IQCM: variants seen among roughly 807,000 people sequenced by gnomAD.
IQCM encodes the protein IQ domain-containing protein M.
In IQCM, 45 loss-of-function variants were observed where a neutral mutation model predicts 57.6. That is an observed-to-expected ratio of 0.78 (90% confidence interval 0.62 to 1.00). The LOEUF (loss-of-function observed/expected upper bound fraction) is 1.00. Among genes scored for constraint, IQCM ranks in the 50% least tolerant of loss-of-function variants. The probability of loss-of-function intolerance (pLI) is 0.00; values close to 1 mark genes in which losing one functional copy is unlikely to be tolerated. For missense variants in IQCM, 468 were observed against 511.6 expected (o/e 0.91, Z 0.82); for synonymous variants, 148 against 158.9 (o/e 0.93, Z 0.51).
At chr4:149,720,841 A>C (rs1399950164) in intron 5 of IQCM, among the ~76,000 whole-genome samples, 1 of 152,198 alleles carries the variant, frequency 6.6e-6, no homozygotes, top group African/African-American at 2.4e-5. Flanking sequence ...GTTTTTATGC[A>C]TGGAGAGATA....
intron 13 of IQCM, among the ~76,000 whole-genome samples, chr4:149,414,862 A>G (rs1733632979): frequency 6.6e-6 from 1 of 152,092 alleles, no homozygotes; most frequent in African/African-American, 2.4e-5. Flanking sequence ...TTATAGGACG[A>G]TAAGTCACAG....
chr4:149,510,037 C>A (rs1744238783), intron 12 of IQCM, among the ~76,000 whole-genome samples: 1 of 152,090 alleles, frequency 6.6e-6, no homozygotes, highest in Non-Finnish European at 1.5e-5. Context: ...AAAATGTATG[C>A]ATATTATATT....
At chr4:149,374,182 T>C (rs1248182736) in intron 13 of IQCM, among the ~76,000 whole-genome samples, 2 of 152,158 alleles carry the variant, frequency 1.3e-5, no homozygotes, top group South Asian at 2.1e-4. Context: ...GTCATCTCTT[T>C]AGTGTTCTGA....
chr4:149,445,946 G>C (rs1736458897), intron 12 of IQCM, among the ~76,000 whole-genome samples: 1 of 151,666 alleles, frequency 6.6e-6, no homozygotes, highest in African/African-American at 2.4e-5. Flanking sequence ...TTACTCCCAA[G>C]AGGTTTAGAT....
intron 13 of IQCM, among the ~76,000 whole-genome samples, chr4:149,425,660 C>T (rs963265724): frequency 6.6e-6 from 1 of 151,924 alleles, no homozygotes; most frequent in African/African-American, 2.4e-5. Context: ...CTTTATCTAG[C>T]CTACTGATTT....
At chr4:149,603,848 TC>T (rs1208535854) in intron 8 of IQCM, among the ~76,000 whole-genome samples, 2 of 152,106 alleles carry the variant, frequency 1.3e-5, no homozygotes, top group African/African-American at 4.8e-5. Context: ...CCCTTTTTCC[TC>T]TTCTTAATAT....
At chr4:149,638,668 CAT>C (rs1272429558) in intron 7 of IQCM, among the ~76,000 whole-genome samples, 1 of 152,134 alleles carries the variant, frequency 6.6e-6, no homozygotes, top group Non-Finnish European at 1.5e-5. Flanking sequence ...TGTAGGATTT[CAT>C]ATATCAGCTA....
intron 13 of IQCM, among the ~76,000 whole-genome samples, chr4:149,366,871 A>C (rs1269895488): frequency 6.6e-6 from 1 of 152,050 alleles, no homozygotes; most frequent in Non-Finnish European, 1.5e-5. Flanking sequence ...CTGGGGAAAA[A>C]TACAGAAAGT....
intron 13 of IQCM, among the ~76,000 whole-genome samples, chr4:149,379,704 T>G (rs1462314433): frequency 6.6e-6 from 1 of 152,210 alleles, no homozygotes; most frequent in African/African-American, 2.4e-5. Flanking sequence ...GATAAGACTT[T>G]GGACTGTGGA....
In IQCM at chr4:149,619,426, C is replaced by A. The variant is rs566521557; in HGVS notation, c.681+1703G>T. Among the ~76,000 whole-genome samples, 73 of 152,068 alleles carry A rather than the reference C, an allele frequency of 4.8e-4. 1 individual carries two copies. The South Asian group carries it at 0.015, about 32-fold the overall frequency. On this transcript the variant is annotated intron_variant, in intron 8 of 13. Transcript: ENST00000636793. ...TACACTGGAAGCCCAGACTTCAGCA[C>A]AATGTAACTATCCATGTAAAACAAC...
At chr4:149,481,702 T>TTTTTTTTTTTTTTTTTTTTG (rs1740854216) in intron 12 of IQCM, among the ~76,000 whole-genome samples, 1 of 123,656 alleles carries the variant, frequency 8.1e-6, no homozygotes, top group East Asian at 2.2e-4. Context: ...TCCAGTTTTG[T>TTTTTTTTTTTTTTTTTTTTG]TTTTTTTTTT....
intron 5 of IQCM, among the ~76,000 whole-genome samples, chr4:149,723,741 T>C (rs1172277250): frequency 7.2e-5 from 11 of 151,934 alleles, no homozygotes; most frequent in Non-Finnish European, 1.5e-4. Context: ...TATCAGTCTG[T>C]AGTTTTGTTG....
Position 149,457,598 on chromosome 4 carries a change from GA to G in IQCM, c.1229-24042del, listed in dbSNP as rs552912893. ...TTGTTTTGCTACTAGCCTAAGAAAA[GA>G]AAAAAAAAGACTTATCAGAGGTTGG... On this transcript the variant is annotated intron_variant, in intron 12 of 13. Coordinates refer to ENST00000636793, the MANE Select transcript of IQCM (RefSeq NM_001363507.2). Among the ~76,000 whole-genome samples the G allele has an allele frequency of 8.1e-5, 12 of 148,816 alleles. No individual in the cohort carries two copies. The East Asian group carries it at 1.2e-3, about 15-fold the overall frequency.
intron 12 of IQCM, among the ~76,000 whole-genome samples, chr4:149,522,418 G>T (rs1451405813): frequency 6.6e-6 from 1 of 152,184 alleles, no homozygotes; most frequent in Non-Finnish European, 1.5e-5. Flanking sequence ...GAATAGAAGA[G>T]ATGGAGACAG....
intron 7 of IQCM, among the ~76,000 whole-genome samples, chr4:149,634,354 G>A (rs139809881): frequency 7.2e-5 from 11 of 152,138 alleles, no homozygotes; most frequent in South Asian, 2.1e-4. Flanking sequence ...AATGACCATG[G>A]AGAATGAGAA....
chr4:149,622,802 T>C (rs141342065), intron 7 of IQCM, among the ~76,000 whole-genome samples: 1 of 152,322 alleles, frequency 6.6e-6, no homozygotes, highest in Non-Finnish European at 1.5e-5. Flanking sequence ...CCCCAGCTCA[T>C]GGGCATTATT....
chr4:149,577,369 T>C (rs978609177), intron 9 of IQCM, among the ~76,000 whole-genome samples: 2 of 151,892 alleles, frequency 1.3e-5, no homozygotes, highest in Non-Finnish European at 2.9e-5. Flanking sequence ...TTTTAGGTTT[T>C]ACATTTAAGT....
intron 12 of IQCM, among the ~76,000 whole-genome samples, chr4:149,535,362 A>G (rs1316061316): frequency 6.6e-6 from 1 of 152,026 alleles, no homozygotes; most frequent in African/African-American, 2.4e-5. Context: ...TGTATCAGAG[A>G]CTTGTATGGC....
chr4:149,399,360 C>A (rs559905887), intron 13 of IQCM, among the ~76,000 whole-genome samples: 1 of 151,354 alleles, frequency 6.6e-6, no homozygotes, highest in Non-Finnish European at 1.5e-5. Context: ...TTCATAAATA[C>A]GTATTAATTA....
Sources: allele counts gnomAD v4.1 joint callset (sites outside exome capture counted in the v4.1 genomes callset), GRCh38; gene constraint gnomAD v4.1.1; transcripts MANE v1.5; gene names NCBI Gene and HGNC (gene_info 2026-07-23, HGNC 2026-07-21).